The following CXCR2 variants were observed in gnomAD, a reference collection of about 807,000 sequenced individuals.
CXCR2 encodes the protein C-X-C chemokine receptor type 2.
In CXCR2, 2 loss-of-function variants were observed where a neutral mutation model predicts 3.7. That is an observed-to-expected ratio of 0.55 (90% confidence interval 0.22 to 1.72). The LOEUF is 1.72. Among genes scored for constraint, CXCR2 ranks in the 40% most tolerant of loss-of-function variants. The pLI, the probability that CXCR2 is intolerant of heterozygous loss-of-function variation, is 0.19. For synonymous variants in CXCR2, 203 were observed against 193.3 expected (o/e 1.05, Z -0.41); for missense variants, 351 against 450.1 (o/e 0.78, Z 1.99).
In CXCR2 at chr2:218,134,961, A is replaced by T; in HGVS notation, c.160A>T (p.Ile54Phe). Residue 54 changes from isoleucine to phenylalanine, a missense_variant, in exon 3 of 3, where the codon ATC (isoleucine) becomes TTC (phenylalanine). By Grantham distance (21) the Ile-to-Phe change is conservative. Coordinates refer to ENST00000318507, the MANE Select transcript of CXCR2 (RefSeq NM_001557.4). ...LEINKYFVVIIYALVFLLSLL... is the reference protein window; with the variant it reads ...LEINKYFVVIFYALVFLLSLL... ...AATCAACAAGTATTTTGTGGTCATT[A>T]TCTATGCCCTGGTATTCCTGCTGAG... The T allele has an allele frequency of 1.2e-6, 2 of 1,614,092 alleles. No homozygotes were observed. The highest frequency in any genetic ancestry group is 1.7e-6 in the Non-Finnish European group (2 of 1,180,028).
chr2:218,127,896 A>T (rs1368498597), intron 1 of CXCR2, among the ~76,000 whole-genome samples: 1 of 152,198 alleles, frequency 6.6e-6, no homozygotes, highest in Non-Finnish European at 1.5e-5. Flanking sequence ...AGTAAATTAG[A>T]TGTCATCAAA....
At chr2:218,126,579 C>T (rs1204080005) in intron 1 of CXCR2, among the ~76,000 whole-genome samples, 4 of 152,216 alleles carry the variant, frequency 2.6e-5, no homozygotes, top group East Asian at 1.9e-4. Context: ...ACTAGTCACA[C>T]GTGGCCACGG....
chr2:218,133,153 C>T lies in CXCR2; in HGVS notation c.-25-1624C>T, dbSNP rs565346897. Among the ~76,000 whole-genome samples the T allele has an allele frequency of 3.9e-5, 6 of 152,142 alleles. No homozygotes were observed. In the South Asian group the frequency reaches 6.2e-4, roughly 16 times the overall value. ...TGGGTTCCATTTTGGGGGTAGATTA[C>T]GGACTTGGACATGGTTGGTGGTAGG... On this transcript the variant is annotated intron_variant, in intron 2 of 2. Coordinates refer to ENST00000318507, the MANE Select transcript of CXCR2 (RefSeq NM_001557.4).
intron 2 of CXCR2, among the ~76,000 whole-genome samples, chr2:218,132,866 G>C (rs1318300816): frequency 1.3e-5 from 2 of 152,140 alleles, no homozygotes; most frequent in African/African-American, 4.8e-5. Context: ...ATGAACATTA[G>C]CTTTCAATTC....
At chr2:218,129,839 C>A (rs1690600442) in intron 2 of CXCR2, among the ~76,000 whole-genome samples, 1 of 152,210 alleles carries the variant, frequency 6.6e-6, no homozygotes, top group African/African-American at 2.4e-5. Flanking sequence ...CGTTCTATAG[C>A]ATTTTCATGT....
At chr2:218,130,453 T>C (rs1690615611) in intron 2 of CXCR2, among the ~76,000 whole-genome samples, 1 of 152,090 alleles carries the variant, frequency 6.6e-6, no homozygotes, top group African/African-American at 2.4e-5. Flanking sequence ...AGAACTTAGC[T>C]TACAAATATG....
chr2:218,127,030 C>A (rs938990505), intron 1 of CXCR2, among the ~76,000 whole-genome samples: 16 of 151,972 alleles, frequency 1.1e-4, no homozygotes, highest in Non-Finnish European at 5.9e-5. Context: ...AGCTAGCATG[C>A]TGAACAGAAT....
At chr2:218,131,496 A>C (rs1345215609) in intron 2 of CXCR2, among the ~76,000 whole-genome samples, 2 of 132,104 alleles carry the variant, frequency 1.5e-5, no homozygotes, top group Non-Finnish European at 3.1e-5. Flanking sequence ...TTTGAGACGG[A>C]GTCTCCTCTG....
chr2:218,131,762 G>A (rs1265810033), intron 2 of CXCR2, among the ~76,000 whole-genome samples: 2 of 151,270 alleles, frequency 1.3e-5, no homozygotes, highest in African/African-American at 4.9e-5. Flanking sequence ...CGGCCCAAAT[G>A]TTAACTTTTA....
In CXCR2 at chr2:218,135,846, G is replaced by T. The variant is rs770385823; in HGVS notation, c.1045G>T (p.Val349Phe). 2 of 1,613,620 alleles carry T rather than the reference G, an allele frequency of 1.2e-6. No individual in the cohort carries two copies. The highest frequency in any genetic ancestry group is 1.7e-6 in the Non-Finnish European group (2 of 1,179,728). The change falls in exon 3 of 3, where the codon GTT (valine) becomes TTT (phenylalanine). Residue 349 changes from valine to phenylalanine, a missense_variant. Coordinates refer to ENST00000318507, the MANE Select transcript of CXCR2 (RefSeq NM_001557.4). The surrounding 1 kb of genome is among the most constrained non-coding windows in gnomAD (Gnocchi z 4.0). ...GCCCAAAGACAGCAGGCCTTCCTTT[G>T]TTGGCTCTTCTTCAGGGCACACTTC... ...SLPKDSRPSF[V>F]GSSSGHTSTT...
At chr2:218,133,830 C>G (rs1327847355) in intron 2 of CXCR2, among the ~76,000 whole-genome samples, 1 of 152,226 alleles carries the variant, frequency 6.6e-6, no homozygotes. Context: ...TCCTGCTGCC[C>G]CTCTCTTATT....
intron 1 of CXCR2, among the ~76,000 whole-genome samples, chr2:218,127,462 G>T (rs769384215): frequency 6.6e-6 from 1 of 152,106 alleles, no homozygotes; most frequent in African/African-American, 2.4e-5. Context: ...GCATATAACC[G>T]CAGTGATCTC....
At chr2:218,132,576 T>A (rs1345380114) in intron 2 of CXCR2, among the ~76,000 whole-genome samples, 1 of 152,236 alleles carries the variant, frequency 6.6e-6, no homozygotes, top group Non-Finnish European at 1.5e-5. Context: ...ATGGGCTATA[T>A]GGTAGAGTAC....
At chr2:218,130,222 A>G (rs755637145) in intron 2 of CXCR2, among the ~76,000 whole-genome samples, 1 of 152,120 alleles carries the variant, frequency 6.6e-6, no homozygotes, top group Non-Finnish European at 1.5e-5. Context: ...GGAGTTCGAG[A>G]CCAGCCCGAC....
At chr2:218,125,778 A>G (rs1574534748), upstream of CXCR2, 1 of 152,638 alleles carries the variant, frequency 6.6e-6, no homozygotes, top group Non-Finnish European at 1.5e-5. Flanking sequence ...TGATAAAGCC[A>G]TAAGTAAGAT....
Position 218,135,229 on chromosome 2 carries a change from A to C in CXCR2, c.428A>C (p.Asp143Ala). The C allele has an allele frequency of 6.2e-7, 1 of 1,614,146 alleles. No homozygotes were observed. Among genetic ancestry groups the C allele is most frequent in the Non-Finnish European group, 8.5e-7 (1 of 1,180,036 alleles). The change falls in exon 3 of 3, where the codon GAC becomes GCC. Residue 143 changes from aspartate to alanine, a missense_variant. Asp to Ala is a moderately radical substitution (Grantham distance 126). Transcript: ENST00000318507. This position sits in a 1 kb window ranked among gnomAD's most constrained non-coding sequence, Gnocchi z 4.0. ...GILLLACISV[D>A]RYLAIVHATR... is the part of the protein sequence containing the mutation. ...CTGCTACTGGCCTGCATCAGTGTGG[A>C]CCGTTACCTGGCCATTGTCCATGCC...
chr2:218,127,020 A>G (rs559249543), intron 1 of CXCR2, among the ~76,000 whole-genome samples: 48 of 152,166 alleles, frequency 3.2e-4, no homozygotes, highest in African/African-American at 1.1e-3. Context: ...CATGGCTAGT[A>G]GCTAGCATGC....
chr2:218,134,678 T>C lies in CXCR2; in HGVS notation c.-25-99T>C, dbSNP rs1047865933. On this transcript the variant is annotated intron_variant, in intron 2 of 2. Coordinates refer to ENST00000318507, the MANE Select transcript of CXCR2 (RefSeq NM_001557.4). ...GAAGGGAAAAATTACTACATTGTAA[T>C]ACTCAAGCCAACACAAAGAATCCTA... The C allele has an allele frequency of 6.2e-6, 7 of 1,123,706 alleles. No individual in the cohort carries two copies. The African/African-American group carries it at 7.9e-5, about 13-fold the overall frequency. The allele number at this position is 1,123,706 out of a possible 1,614,324, so 69.6% of individuals were successfully genotyped here.
chr2:218,128,129 A>C (rs1690553475), intron 1 of CXCR2, among the ~76,000 whole-genome samples: 1 of 152,256 alleles, frequency 6.6e-6, no homozygotes, highest in Non-Finnish European at 1.5e-5. Context: ...CCCATTTTAC[A>C]GATGAGTAAA....
Sources: gnomAD v4.1 joint callset for allele counts (sites outside exome capture counted in the v4.1 genomes callset) on GRCh38, gnomAD v4.1.1 for gene constraint, Gnocchi (gnomAD v3.1) non-coding constraint, MANE v1.5 for transcripts, NCBI Gene and HGNC (gene_info 2026-07-23, HGNC 2026-07-21) for gene names.